RGS7: variants seen among roughly 807,000 people sequenced by gnomAD.
The protein encoded by RGS7 is regulator of G-protein signaling 7.
Under a neutral mutation model 81.1 loss-of-function variants are expected in RGS7, and 27 were observed. That is an observed-to-expected ratio of 0.33 (90% CI 0.25 to 0.46). The LOEUF (loss-of-function observed/expected upper bound fraction) is 0.46. RGS7 is among the 20% of genes least tolerant of loss of function. RGS7 has a pLI of 1.00. For missense variants in RGS7, 396 were observed against 607.4 expected (o/e 0.65, Z 3.66); for synonymous variants, 208 against 207.7 (o/e 1.00, Z -0.01).
chr1:241,268,825 A>C (rs2077728351), intron 2 of RGS7, among the ~76,000 whole-genome samples: 3 of 151,954 alleles, frequency 2.0e-5, no homozygotes, highest in Admixed American at 2.0e-4. Context: ...ACATATTCCA[A>C]AAATGTGTGG....
At chr1:241,115,297 G>A (rs1317730678) in intron 2 of RGS7, among the ~76,000 whole-genome samples, 1 of 152,134 alleles carries the variant, frequency 6.6e-6, no homozygotes, top group East Asian at 1.9e-4. Flanking sequence ...AATGGTTCAT[G>A]CTGAACCTCC....
chr1:241,159,626 G>A (rs111337237), intron 2 of RGS7, among the ~76,000 whole-genome samples: 262 of 152,150 alleles, frequency 1.7e-3, no homozygotes, highest in Non-Finnish European at 2.8e-3. Context: ...TAAGGACACT[G>A]AGATATCAGC....
At chr1:241,291,806 C>T (rs1450677703) in intron 2 of RGS7, among the ~76,000 whole-genome samples, 1 of 152,038 alleles carries the variant, frequency 6.6e-6, no homozygotes, top group Non-Finnish European at 1.5e-5. Context: ...GAACTCCTGA[C>T]CTCAGGTGAT....
At chr1:240,813,477 C>T (rs1240933131) in intron 13 of RGS7, 141 bp downstream of exon 13, 6 of 679,638 alleles carry the variant, frequency 8.8e-6, no homozygotes, top group Middle Eastern at 2.4e-4. Flanking sequence ...GCCATGATCT[C>T]GAACAAGAAT....
chr1:240,814,873 T>C (rs1241386500), intron 11 of RGS7, 96 bp from the exon 12 acceptor site: 3 of 815,444 alleles, frequency 3.7e-6, no homozygotes, highest in Admixed American at 3.4e-5. Flanking sequence ...TGAACAAGAG[T>C]ATAGTCTACG....
At chr1:241,114,323 T>C (rs1558736522) in intron 2 of RGS7, among the ~76,000 whole-genome samples, 2 of 151,546 alleles carry the variant, frequency 1.3e-5, no homozygotes, top group African/African-American at 4.8e-5. Context: ...AGCTCGCTCT[T>C]TCTCTCTCTC....
chr1:241,339,156 A>C (rs1176700293), intron 2 of RGS7, among the ~76,000 whole-genome samples: 1 of 151,938 alleles, frequency 6.6e-6, no homozygotes. Context: ...TTCTGTTCCT[A>C]TGTTAGTCTG....
intron 2 of RGS7, among the ~76,000 whole-genome samples, chr1:241,225,432 A>T (rs968824979): frequency 6.6e-6 from 1 of 152,182 alleles, no homozygotes; most frequent in Non-Finnish European, 1.5e-5. Flanking sequence ...TACTTATTCA[A>T]TACTTAGCTT....
chr1:241,153,453 T>C (rs979430540), intron 2 of RGS7, among the ~76,000 whole-genome samples: 10 of 152,018 alleles, frequency 6.6e-5, no homozygotes, highest in Non-Finnish European at 1.3e-4. Context: ...TATCGATGAG[T>C]TCAGATGATT....
At chr1:240,940,843 C>T (rs939782842) in intron 4 of RGS7, among the ~76,000 whole-genome samples, 1 of 152,176 alleles carries the variant, frequency 6.6e-6, no homozygotes, top group Non-Finnish European at 1.5e-5. Flanking sequence ...TTGACTCCTG[C>T]ATCTCATTAA....
intron 2 of RGS7, among the ~76,000 whole-genome samples, chr1:241,330,601 T>G (rs2081921988): frequency 6.6e-6 from 1 of 152,162 alleles, no homozygotes; most frequent in Admixed American, 6.5e-5. Context: ...TTAACAGAAT[T>G]AGAGTATCCA....
At chr1:240,857,910 G>A (rs1661445698) in intron 9 of RGS7, among the ~76,000 whole-genome samples, 1 of 152,060 alleles carries the variant, frequency 6.6e-6, no homozygotes, top group Non-Finnish European at 1.5e-5. Context: ...GGTTTTATAA[G>A]GGGCTTCTCC....
chr1:241,350,339 G>A (rs1295553705), intron 2 of RGS7, among the ~76,000 whole-genome samples: 1 of 151,994 alleles, frequency 6.6e-6, no homozygotes, highest in Non-Finnish European at 1.5e-5. Flanking sequence ...ACATCCTTTG[G>A]TCCAGAAAGT....
intron 10 of RGS7, chr1:240,823,460 G>C (rs551061156): frequency 2.5e-5 from 6 of 241,688 alleles, no homozygotes; most frequent in Admixed American, 5.2e-5. Flanking sequence ...CTCAGGACAC[G>C]GGCTGCGGCC....
At chr1:241,328,129 A>T (rs1293257924) in intron 2 of RGS7, among the ~76,000 whole-genome samples, 2 of 152,146 alleles carry the variant, frequency 1.3e-5, no homozygotes, top group African/African-American at 2.4e-5. Flanking sequence ...ATTTTGCTAG[A>T]GGTGGATGCT....
In RGS7 at chr1:241,281,063, GA is replaced by G. The variant is rs573772666; in HGVS notation, c.78+74635del. Among the ~76,000 whole-genome samples, 350 of 152,046 alleles carry G rather than the reference GA, an allele frequency of 2.3e-3. 4 individuals carry two copies. The highest frequency in any genetic ancestry group is 8.1e-3 in the African/African-American group (334 of 41,486). ...AGTCTAGAAATATAAAAAAAAATAA[GA>G]AAAAGTTAGGTATGCCATAAATGCA... On this transcript the variant is annotated intron_variant, in intron 2 of 18. Transcript: ENST00000440928.
At chr1:241,341,460 CT>C (rs2082539202) in intron 2 of RGS7, among the ~76,000 whole-genome samples, 1 of 151,954 alleles carries the variant, frequency 6.6e-6, no homozygotes, top group South Asian at 2.1e-4. Flanking sequence ...TTTACTAAAA[CT>C]AAAATGTTCA....
chr1:241,047,139 T>TATAGACA (rs1189442819), intron 3 of RGS7, among the ~76,000 whole-genome samples: 1 of 152,174 alleles, frequency 6.6e-6, no homozygotes, highest in African/African-American at 2.4e-5. Flanking sequence ...GGAGATGTTA[T>TATAGACA]ATAGACAACC....
intron 3 of RGS7, among the ~76,000 whole-genome samples, chr1:241,089,071 A>C (rs865783638): frequency 0.058 from 3,067 of 52,596 alleles, 78 homozygotes; most frequent in East Asian, 0.14. Flanking sequence ...CTCTATATAT[A>C]TATATATATA....
Sources: allele counts gnomAD v4.1 joint callset (sites outside exome capture counted in the v4.1 genomes callset), GRCh38; gene constraint gnomAD v4.1.1; transcripts MANE v1.5; gene names NCBI Gene and HGNC (gene_info 2026-07-23, HGNC 2026-07-21).